C11orf65: variants seen among roughly 807,000 people sequenced by gnomAD.
C11orf65 encodes the protein protein MFI.
C11orf65 carries 38 observed loss-of-function variants against 35.3 expected under a neutral mutation model. That is an observed-to-expected ratio of 1.08 (90% CI 0.83 to 1.41). The LOEUF (loss-of-function observed/expected upper bound fraction) is 1.41. C11orf65 is among the 40% of genes most tolerant of loss of function. The pLI, the probability that C11orf65 is intolerant of heterozygous loss-of-function variation, is 0.00. For missense variants in C11orf65, 370 were observed against 367.1 expected (o/e 1.01, Z -0.06); for synonymous variants, 105 against 114.4 (o/e 0.92, Z 0.53).
At chr11:108,389,575 T>A (rs2092097585) in intron 7 of C11orf65, among the ~76,000 whole-genome samples, 1 of 152,190 alleles carries the variant, frequency 6.6e-6, no homozygotes, top group South Asian at 2.1e-4. Flanking sequence ...TTAATGGAAA[T>A]TTTCAGTTGC....
chr11:108,444,717 T>G lies in C11orf65; in HGVS notation c.82-12879A>C, dbSNP rs901775332. On this transcript the variant is annotated intron_variant, in intron 2 of 8. Coordinates refer to ENST00000393084, the MANE Select transcript of C11orf65 (RefSeq NM_152587.5). ...GTGATTTCTGAATTTCCATCTGAGG[T>G]ACCAGGTTCATCTCACTACGGAGTG... Among the ~76,000 whole-genome samples the G allele has an allele frequency of 4.6e-5, 7 of 152,204 alleles. 1 individual carries two copies. Among genetic ancestry groups the G allele is most frequent in the African/African-American group, 1.7e-4 (7 of 41,514 alleles).
Position 108,326,141 on chromosome 11 carries a change from A to G in C11orf65, c.641-17070T>C, listed in dbSNP as rs773545588. 2 of 1,614,186 alleles carry G rather than the reference A, an allele frequency of 1.2e-6. No individual in the cohort carries two copies. The highest frequency in any genetic ancestry group is 8.5e-7 in the Non-Finnish European group (1 of 1,180,012). ...CTGAGTGGCAGCTGGAAGAAGCACA[A>G]GTATTCTGGGCAAAAAAGGAGCAGA... On this transcript the variant is annotated intron_variant, in intron 6 of 6. Transcript: ENST00000525729.
In C11orf65 at chr11:108,383,045, C is replaced by T. The variant is rs75581571; in HGVS notation, c.918G>A (p.Thr306=). 3.8e-3 allele frequency: 6,128 copies of T among 1,610,438 alleles called. 15 individuals are homozygous for T. The highest frequency in any genetic ancestry group is 4.7e-3 in the Non-Finnish European group (5,574 of 1,179,096). ...TTTATAGTCCATAAGTAGAATCAGG[C>T]GTTAATCTAGTTACATTTGGTTCTT... ...VYQEPNVTRL[T]PDSTYGL Residue 306 remains threonine, a synonymous_variant, in exon 9 of 9, where the codon ACG becomes ACA. Coordinates refer to ENST00000393084, the MANE Select transcript of C11orf65 (RefSeq NM_152587.5).
At chr11:108,369,879 G>C (rs1220505666) in intron 2 of C11orf65, among the ~76,000 whole-genome samples, 1 of 152,108 alleles carries the variant, frequency 6.6e-6, no homozygotes. Context: ...AAATGTTTTA[G>C]TATACACTTG....
At chr11:108,414,730 C>A (rs2092706884) in intron 3 of C11orf65, among the ~76,000 whole-genome samples, 4 of 151,826 alleles carry the variant, frequency 2.6e-5, no homozygotes, top group Admixed American at 2.6e-4. Context: ...CCAGCATAAC[C>A]CTAATACAAA....
At chr11:108,323,247 G>A (rs2085360886) in intron 6 of C11orf65, among the ~76,000 whole-genome samples, 1 of 152,180 alleles carries the variant, frequency 6.6e-6, no homozygotes, top group African/African-American at 2.4e-5. Context: ...AGGAACAAAA[G>A]TCTTTTCTGC....
At chr11:108,368,051 A>G (rs996013201) in intron 2 of C11orf65, 16 of 207,676 alleles carry the variant, frequency 7.7e-5, no homozygotes, top group East Asian at 1.5e-4. Context: ...TTTGAATAAC[A>G]TCATTAATCT....
intron 6 of C11orf65, among the ~76,000 whole-genome samples, chr11:108,318,903 C>T (rs536817951): frequency 1.3e-5 from 2 of 151,852 alleles, no homozygotes; most frequent in South Asian, 2.1e-4. Flanking sequence ...TGGCCGAGCG[C>T]GGTGGCTCAT....
intron 2 of C11orf65, among the ~76,000 whole-genome samples, chr11:108,441,262 G>A (rs11212637): frequency 0.39 from 58,647 of 152,090 alleles, 12,054 homozygotes; most frequent in Middle Eastern, 0.65. Context: ...AGGCGGCAGC[G>A]AGGCTGGAGG....
intron 2 of C11orf65, among the ~76,000 whole-genome samples, chr11:108,449,236 T>A (rs2135610813): frequency 6.6e-6 from 1 of 151,994 alleles, no homozygotes; most frequent in South Asian, 2.1e-4. Context: ...TTCAATGCCA[T>A]CCCCATCAAG....
Sources: allele counts gnomAD v4.1 joint callset (sites outside exome capture counted in the v4.1 genomes callset), GRCh38; gene constraint gnomAD v4.1.1; transcripts MANE v1.5; gene names NCBI Gene and HGNC (gene_info 2026-07-23, HGNC 2026-07-21).